SPATS2L: variants seen among roughly 807,000 people sequenced by gnomAD.
SPATS2L encodes the protein spermatogenesis associated serine rich 2 like.
SPATS2L carries 30 observed loss-of-function variants against 59.6 expected under a neutral mutation model. The ratio of observed to expected loss-of-function variants is 0.50; its 90% CI spans 0.38 to 0.68. The LOEUF is 0.68. Ranked by LOEUF, SPATS2L falls within the 30% of genes least tolerant of loss-of-function variation. The pLI, the probability that SPATS2L is intolerant of heterozygous loss-of-function variation, is 0.00. For synonymous variants in SPATS2L, 252 were observed against 263.5 expected (o/e 0.96, Z 0.42); for missense variants, 615 against 700.0 (o/e 0.88, Z 1.37).
At chr2:200,437,160 A>G (rs777536258) in intron 6 of SPATS2L, among the ~76,000 whole-genome samples, 1 of 152,138 alleles carries the variant, frequency 6.6e-6, no homozygotes, top group Non-Finnish European at 1.5e-5. Flanking sequence ...CTTTTCTTTA[A>G]AAATTACCCA....
chr2:200,307,009 ACT>A, intron 1 of SPATS2L, 87 bp downstream of exon 1: 1 of 968,190 alleles, frequency 1.0e-6, no homozygotes, highest in South Asian at 4.8e-5. Flanking sequence ...CGGGACGGAG[ACT>A]CGGCTGGGCC....
intron 12 of SPATS2L, among the ~76,000 whole-genome samples, chr2:200,473,870 G>A (rs1308960891): frequency 6.9e-6 from 1 of 145,928 alleles, no homozygotes; most frequent in African/African-American, 2.4e-5. Context: ...CATGGTGGCG[G>A]GTGCCTGTAA....
chr2:200,392,953 C>T (rs923889569), intron 3 of SPATS2L: 26 of 322,636 alleles, frequency 8.1e-5, no homozygotes, highest in African/African-American at 3.9e-4. Flanking sequence ...GTAGGAGAAG[C>T]GGAGTTTGTT....
chr2:200,341,305 C>T (rs1157774715), intron 2 of SPATS2L, among the ~76,000 whole-genome samples: 1 of 152,180 alleles, frequency 6.6e-6, no homozygotes, highest in Non-Finnish European at 1.5e-5. Flanking sequence ...TGTTCTTAAC[C>T]ACTGAACTAA....
intron 4 of SPATS2L, 27 bp from the exon 5 acceptor site, chr2:200,416,352 T>C (rs1448497914): frequency 1.5e-6 from 2 of 1,309,096 alleles, no homozygotes; most frequent in Non-Finnish European, 2.1e-6. Flanking sequence ...TGTGAATATT[T>C]GTTGAAGATT....
At chr2:200,309,235 A>G in intron 1 of SPATS2L, 3 of 690,258 alleles carry the variant, frequency 4.3e-6, no homozygotes, top group South Asian at 1.6e-5. Flanking sequence ...TTGAAAGGGC[A>G]TAGGTGGTCT....
intron 2 of SPATS2L, among the ~76,000 whole-genome samples, chr2:200,335,283 C>T (rs541269490): frequency 2.6e-5 from 4 of 151,668 alleles, no homozygotes; most frequent in South Asian, 4.2e-4. Flanking sequence ...TTACCTGAGG[C>T]GGGAGAATGG....
chr2:200,424,687 A>G (rs2083457459), intron 6 of SPATS2L, among the ~76,000 whole-genome samples: 1 of 152,162 alleles, frequency 6.6e-6, no homozygotes, highest in Non-Finnish European at 1.5e-5. Context: ...TTAGGCCAGA[A>G]TAGGAATTCA....
chr2:200,412,978 C>A (rs1276185503), intron 4 of SPATS2L, among the ~76,000 whole-genome samples: 1 of 152,146 alleles, frequency 6.6e-6, no homozygotes, highest in African/African-American at 2.4e-5. Flanking sequence ...ATGGCTTGAG[C>A]CCCTGAGGCA....
intron 3 of SPATS2L, among the ~76,000 whole-genome samples, chr2:200,401,352 C>T (rs2082521782): frequency 6.6e-6 from 1 of 152,130 alleles, no homozygotes; most frequent in Non-Finnish European, 1.5e-5. Context: ...TTGTTCTGAG[C>T]CACAAAATTT....
At chr2:200,475,042 T>G (rs1220631794) in intron 12 of SPATS2L, among the ~76,000 whole-genome samples, 1 of 152,210 alleles carries the variant, frequency 6.6e-6, no homozygotes, top group Non-Finnish European at 1.5e-5. Flanking sequence ...ACCACTTTCC[T>G]GTATACATCA....
rs2086110201 is a variant in SPATS2L, at chr2:200,459,841, A to T, written c.847+14A>T. 3 of 1,592,032 alleles carry T rather than the reference A, an allele frequency of 1.9e-6. No individual in the cohort carries two copies. The highest frequency in any genetic ancestry group is 1.7e-5 in the Admixed American group (1 of 59,254). On this transcript the variant is annotated intron_variant, in intron 9 of 12. Transcript: ENST00000409140. Reference sequence around the variant, plus strand: ...AAGAAGAAGCCAGTAAGTAGACAACACATGGTTATTTGATTAGGAGCTTCC... The same window carrying T: ...AAGAAGAAGCCAGTAAGTAGACAACTCATGGTTATTTGATTAGGAGCTTCC...
intron 8 of SPATS2L, among the ~76,000 whole-genome samples, chr2:200,457,995 T>C (rs2085969414): frequency 6.6e-6 from 1 of 152,178 alleles, no homozygotes. Context: ...TGAAGCACAT[T>C]AAATATGAGT....
chr2:200,386,722 C>G (rs2082004405), intron 2 of SPATS2L, among the ~76,000 whole-genome samples: 2 of 152,230 alleles, frequency 1.3e-5, no homozygotes, highest in Admixed American at 1.3e-4. Context: ...CTGATCTGGT[C>G]TAATGAAAGT....
chr2:200,331,402 A>T (rs1056725568), intron 2 of SPATS2L, among the ~76,000 whole-genome samples: 6 of 152,174 alleles, frequency 3.9e-5, no homozygotes, highest in African/African-American at 1.4e-4. Context: ...ATTTTCACAA[A>T]TTTCTCATGG....
At chr2:200,420,014 C>A (rs1171958848) in intron 6 of SPATS2L, among the ~76,000 whole-genome samples, 1 of 152,086 alleles carries the variant, frequency 6.6e-6, no homozygotes, top group Non-Finnish European at 1.5e-5. Context: ...TTAGAAAGGG[C>A]AGACCAAATT....
intron 3 of SPATS2L, 100 bp from the exon 4 acceptor site, chr2:200,412,211 G>A (rs1056911021): frequency 1.0e-5 from 7 of 671,230 alleles, no homozygotes; most frequent in Non-Finnish European, 1.2e-5. Context: ...GCTTTTCAAG[G>A]CCTTTCTAAT....
chr2:200,372,258 G>A, intron 2 of SPATS2L: 1 of 923,900 alleles, frequency 1.1e-6, no homozygotes, highest in Non-Finnish European at 1.3e-6. Flanking sequence ...AACTGTAAGT[G>A]AATTCCCTCT....
At chr2:200,380,150 C>T (rs75057545) in intron 2 of SPATS2L, among the ~76,000 whole-genome samples, 2 of 152,214 alleles carry the variant, frequency 1.3e-5, no homozygotes, top group African/African-American at 2.4e-5. Flanking sequence ...CCTCCTCCCC[C>T]TGTGCTTGCA....
Sources: allele counts gnomAD v4.1 joint callset (sites outside exome capture counted in the v4.1 genomes callset), GRCh38; gene constraint gnomAD v4.1.1; transcripts MANE v1.5; gene names NCBI Gene and HGNC (gene_info 2026-07-23, HGNC 2026-07-21).